Variants in SNX8 observed in about 807,000 individuals in gnomAD.
SNX8 encodes sorting nexin 8.
In SNX8, 25 loss-of-function variants were observed where a neutral mutation model predicts 51.6. The ratio of observed to expected loss-of-function variants is 0.48; its 90% CI spans 0.35 to 0.68. The LOEUF (loss-of-function observed/expected upper bound fraction) is 0.68, where lower values mean the gene tolerates loss of function less well. Ranked by LOEUF, SNX8 falls within the 30% of genes least tolerant of loss-of-function variation. The probability of loss-of-function intolerance (pLI) is 0.00; values close to 1 mark genes in which losing one functional copy is unlikely to be tolerated. For synonymous variants in SNX8, 324 were observed against 277.0 expected (o/e 1.17, Z -1.68); for missense variants, 695 against 624.0 (o/e 1.11, Z -1.21).
chr7:2,326,420 C>T (rs1778622443), intron 1 of SNX8, among the ~76,000 whole-genome samples: 1 of 152,100 alleles, frequency 6.6e-6, no homozygotes, highest in South Asian at 2.1e-4. Flanking sequence ...AATCCCAGCA[C>T]TTTGGAAGGC....
chr7:2,255,966 G>A (rs1795167710), intron 10 of SNX8, among the ~76,000 whole-genome samples: 1 of 152,130 alleles, frequency 6.6e-6, no homozygotes, highest in South Asian at 2.1e-4. Context: ...GGACCACAGC[G>A]CACACAGCAT....
chr7:2,340,856 CAAAAAAAAAAAAAA>C (rs71026503), intron 1 of SNX8, among the ~76,000 whole-genome samples: 16 of 45,116 alleles, frequency 3.5e-4, no homozygotes, highest in African/African-American at 1.3e-3. Context: ...GGCTGCTTCT[CAAAAAAAAAAAAAA>C]AAAAAAAAAA....
chr7:2,326,522 CG>C (rs1006106366), intron 1 of SNX8, among the ~76,000 whole-genome samples: 5 of 151,678 alleles, frequency 3.3e-5, no homozygotes, highest in African/African-American at 1.2e-4. Context: ...AAAAATTAGC[CG>C]GGCGTGGTGG....
chr7:2,286,526 T>A (rs79622218), intron 1 of SNX8, among the ~76,000 whole-genome samples: 45,372 of 151,196 alleles, frequency 0.3, 7,954 homozygotes, highest in East Asian at 0.59. Flanking sequence ...TTTATAATTT[T>A]TTTTTTTTTT....
At chr7:2,293,674 A>T (rs894680452) in intron 1 of SNX8, among the ~76,000 whole-genome samples, 5 of 151,424 alleles carry the variant, frequency 3.3e-5, no homozygotes, top group African/African-American at 1.2e-4. Flanking sequence ...AAATTAAAAA[A>T]AGAGGCCAGG....
intron 1 of SNX8, among the ~76,000 whole-genome samples, chr7:2,331,877 C>G (rs961694861): frequency 6.6e-5 from 10 of 151,282 alleles, no homozygotes; most frequent in Admixed American, 6.0e-4. Context: ...AAGATTCTGT[C>G]TCAAAAAAAA....
chr7:2,323,671 A>T (rs1778578278), intron 1 of SNX8, among the ~76,000 whole-genome samples: 1 of 152,172 alleles, frequency 6.6e-6, no homozygotes, highest in African/African-American at 2.4e-5. Flanking sequence ...AGGACCAGTG[A>T]TGTGGTCTCG....
intron 1 of SNX8, among the ~76,000 whole-genome samples, chr7:2,283,645 T>A (rs1795958790): frequency 6.6e-6 from 1 of 152,032 alleles, no homozygotes; most frequent in Non-Finnish European, 1.5e-5. Context: ...GGAGGGGAGA[T>A]CAGGACCAGC....
chr7:2,337,491 A>G (rs554701362), intron 1 of SNX8, among the ~76,000 whole-genome samples: 1 of 152,276 alleles, frequency 6.6e-6, no homozygotes, highest in East Asian at 1.9e-4. Flanking sequence ...TGTAAATTAC[A>G]CTTTAATAAA....
intron 1 of SNX8, among the ~76,000 whole-genome samples, chr7:2,301,937 C>T (rs1006967879): frequency 3.9e-5 from 6 of 152,146 alleles, no homozygotes; most frequent in African/African-American, 4.8e-5. Context: ...GCACATTGTC[C>T]AGGCTCTCAA....
At chr7:2,261,627 C>G (rs1795338726) in intron 7 of SNX8, among the ~76,000 whole-genome samples, 1 of 152,156 alleles carries the variant, frequency 6.6e-6, no homozygotes, top group Non-Finnish European at 1.5e-5. Context: ...CGTTCTCGGT[C>G]CCCTCCACCT....
chr7:2,332,492 C>T (rs181305755), intron 1 of SNX8, among the ~76,000 whole-genome samples: 5 of 152,154 alleles, frequency 3.3e-5, no homozygotes, highest in African/African-American at 9.6e-5. Flanking sequence ...CGGTGGCTGA[C>T]GCCTGTGATC....
At chr7:2,308,777 C>T (rs967495108) in intron 1 of SNX8, among the ~76,000 whole-genome samples, 106 of 141,254 alleles carry the variant, frequency 7.5e-4, no homozygotes, top group African/African-American at 2.0e-3. Flanking sequence ...ATAAAATGAA[C>T]AAATTTTTTT....
chr7:2,321,364 A>G (rs1369967456), intron 1 of SNX8, among the ~76,000 whole-genome samples: 1 of 152,180 alleles, frequency 6.6e-6, no homozygotes, highest in African/African-American at 2.4e-5. Flanking sequence ...TGCCTTCAGC[A>G]GATCCTCCCC....
rs1200599669 is a variant in SNX8 at position 2,253,718 on chromosome 7, G to T, written c.*1338C>A. The T allele has an allele frequency of 6.6e-6, 1 of 152,380 alleles. No homozygotes were observed. Among genetic ancestry groups the T allele is most frequent in the Non-Finnish European group, 1.5e-5 (1 of 68,108 alleles). The allele number at this position is 152,380 out of a possible 1,614,324, so 9.4% of individuals were successfully genotyped here. A position where few individuals can be genotyped will look rare whatever the true frequency, so the allele number is the denominator to read the frequency against. On this transcript the variant is annotated 3_prime_UTR_variant, in exon 11 of 11. Transcript: ENST00000222990. Reference sequence around the variant, plus strand: ...CCGTTCCCTCTGGCCGGCTCGCAGTGGACGATGGATCACCTGCCTGCGGGG... The same window carrying T: ...CCGTTCCCTCTGGCCGGCTCGCAGTTGACGATGGATCACCTGCCTGCGGGG...
In SNX8 at chr7:2,341,069, C is replaced by G. The variant is rs138384122; in HGVS notation, c.-66+13153G>C. 2.0e-5 allele frequency among the ~76,000 whole-genome samples: 3 copies of G among 149,722 alleles called. No individual in the cohort carries two copies. The East Asian group carries it at 5.9e-4, about 29-fold the overall frequency. On this transcript the variant is annotated intron_variant, in intron 1 of 5. Coordinates refer to the SNX8 transcript ENST00000435336. Reference sequence around the variant, plus strand: ...CATGCATCCCCAGCTACTCAAGAAACTGAGGTGGGAGGATCACTGGAGCCC... The same window carrying G: ...CATGCATCCCCAGCTACTCAAGAAAGTGAGGTGGGAGGATCACTGGAGCCC...
intron 7 of SNX8, among the ~76,000 whole-genome samples, chr7:2,260,323 C>G (rs900428183): frequency 2.5e-4 from 38 of 152,264 alleles, no homozygotes; most frequent in African/African-American, 9.1e-4. Flanking sequence ...GTCTCAAACT[C>G]CTGACCTCAG....
rs1314722168 is a variant in SNX8, at chr7:2,275,629, G to C, written c.301-400C>G. On this transcript the variant is annotated intron_variant, in intron 2 of 10. Coordinates refer to ENST00000222990, the MANE Select transcript of SNX8 (RefSeq NM_013321.4). ...AGGCAGGAGAATCCCTTGAACCCTG[G>C]AGACAGAGGTTGCAGTGATCCAAGA... Among the ~76,000 whole-genome samples the C allele has an allele frequency of 2.0e-5, 3 of 152,056 alleles. No individual in the cohort carries two copies. The East Asian group carries it at 5.8e-4, about 29-fold the overall frequency.
At chr7:2,346,940 A>G (rs891173829) in intron 1 of SNX8, among the ~76,000 whole-genome samples, 2 of 151,084 alleles carry the variant, frequency 1.3e-5, no homozygotes, top group African/African-American at 4.9e-5. Flanking sequence ...AAAAAAAAAA[A>G]AGAAAAAAGG....
Sources: gnomAD v4.1 joint callset for allele counts (sites outside exome capture counted in the v4.1 genomes callset) on GRCh38, gnomAD v4.1.1 for gene constraint, MANE v1.5 for transcripts, NCBI Gene and HGNC (gene_info 2026-07-23, HGNC 2026-07-21) for gene names.